CHP1: variants seen among roughly 807,000 people sequenced by gnomAD.
The protein encoded by CHP1 is calcineurin like EF-hand protein 1.
In CHP1, 11 loss-of-function variants were observed where a neutral mutation model predicts 27.4. The observed-to-expected ratio is 0.40, with a 90% CI of 0.25 to 0.67. The LOEUF (loss-of-function observed/expected upper bound fraction) is 0.67, where lower values mean the gene tolerates loss of function less well. Among genes scored for constraint, CHP1 ranks in the 30% least tolerant of loss-of-function variants. The probability of loss-of-function intolerance (pLI) is 0.38; values close to 1 mark genes in which losing one functional copy is unlikely to be tolerated. For missense variants in CHP1, 169 were observed against 251.3 expected (o/e 0.67, Z 2.22); for synonymous variants, 89 against 87.4 (o/e 1.02, Z -0.10).
intron 4 of CHP1, among the ~76,000 whole-genome samples, chr15:41,263,966 G>T (rs1262668283): frequency 6.6e-6 from 1 of 152,168 alleles, no homozygotes; most frequent in African/African-American, 2.4e-5. Flanking sequence ...GACTCAGCTG[G>T]CTTAAACAAT....
intron 3 of CHP1, among the ~76,000 whole-genome samples, chr15:41,258,070 C>T (rs1283693047): frequency 6.6e-6 from 1 of 152,196 alleles, no homozygotes; most frequent in East Asian, 1.9e-4. Flanking sequence ...TCTACCTACA[C>T]ATACTCTACG....
In CHP1 at chr15:41,278,853, T is replaced by C; in HGVS notation, c.498T>C (p.Asp166=). ...ADRTIQEADQ[D]GDSAISFTEF... ...GGACCATTCAGGAGGCTGATCAGGA[T>C]GGGGACAGTGCCATATCTTTCACAG... Residue 166 remains aspartate, a synonymous_variant, in exon 6 of 7, where the codon GAT becomes GAC. Transcript: ENST00000334660. 2 of 1,614,128 alleles carry C rather than the reference T, an allele frequency of 1.2e-6. No individual in the cohort carries two copies. Among genetic ancestry groups the C allele is most frequent in the Non-Finnish European group, 1.7e-6 (2 of 1,180,022 alleles).
At chr15:41,278,223 C>T (rs899067272) in intron 5 of CHP1, among the ~76,000 whole-genome samples, 1 of 150,602 alleles carries the variant, frequency 6.6e-6, no homozygotes, top group Non-Finnish European at 1.5e-5. Context: ...ATCCTAGCTA[C>T]GCAGGAGGCT....
intron 5 of CHP1, among the ~76,000 whole-genome samples, chr15:41,278,446 G>A (rs1256050544): frequency 6.6e-6 from 1 of 151,740 alleles, no homozygotes; most frequent in East Asian, 1.9e-4. Flanking sequence ...AGATTATTTC[G>A]CCACCCATGT....
intron 4 of CHP1, among the ~76,000 whole-genome samples, chr15:41,267,604 G>A (rs1047248155): frequency 4.0e-5 from 6 of 151,680 alleles, no homozygotes; most frequent in Non-Finnish European, 7.4e-5. Flanking sequence ...AGAGGTTTCA[G>A]TGACCTGAGA....
intron 5 of CHP1, among the ~76,000 whole-genome samples, chr15:41,275,504 G>C (rs1013682032): frequency 6.6e-6 from 1 of 152,120 alleles, no homozygotes; most frequent in East Asian, 1.9e-4. Context: ...AATCAGTTTG[G>C]ATACAAATCA....
At chr15:41,277,960 A>G (rs1176077303) in intron 5 of CHP1, among the ~76,000 whole-genome samples, 1 of 152,052 alleles carries the variant, frequency 6.6e-6, no homozygotes, top group Non-Finnish European at 1.5e-5. Flanking sequence ...TGTCTCAAAA[A>G]AAAAACCCAA....
chr15:41,238,475 T>C (rs1043794602), intron 1 of CHP1, among the ~76,000 whole-genome samples: 5 of 152,060 alleles, frequency 3.3e-5, no homozygotes, highest in African/African-American at 1.2e-4. Flanking sequence ...ACAGGGTCTT[T>C]TAAATAATCT....
intron 3 of CHP1, among the ~76,000 whole-genome samples, chr15:41,261,911 G>T (rs552026468): frequency 6.6e-6 from 1 of 151,586 alleles, no homozygotes; most frequent in Non-Finnish European, 1.5e-5. Context: ...AGAATCGCTT[G>T]AACCAGGGAG....
chr15:41,245,313 T>A (rs2047328800), intron 2 of CHP1, among the ~76,000 whole-genome samples: 1 of 151,968 alleles, frequency 6.6e-6, no homozygotes, highest in African/African-American at 2.4e-5. Flanking sequence ...ATACAAAAAT[T>A]AGCGTGGCGT....
At chr15:41,263,982 A>G (rs1191585916) in intron 4 of CHP1, among the ~76,000 whole-genome samples, 1 of 152,176 alleles carries the variant, frequency 6.6e-6, no homozygotes, top group Non-Finnish European at 1.5e-5. Flanking sequence ...ACAATAGGGA[A>G]CTATATTAGC....
chr15:41,241,921 T>C (rs1484427033), intron 1 of CHP1, among the ~76,000 whole-genome samples: 1 of 152,210 alleles, frequency 6.6e-6, no homozygotes, highest in Admixed American at 6.6e-5. Flanking sequence ...AAGTCCACAC[T>C]TGTCACACCC....
At position 41,267,131 on chromosome 15, in the gene CHP1, C is replaced by G. The variant is rs1321321418; in HGVS notation, c.350-3426C>G. ...TCTTATGTGAGGTTTCCAGAGTGGT[C>G]AAATTTGTAGAGACAGAAAGTAGAA... is the stretch of plus-strand genomic sequence containing the variant. On this transcript the variant is annotated intron_variant, in intron 4 of 6. Transcript: ENST00000334660. Among the ~76,000 whole-genome samples, 4 of 152,094 alleles carry G rather than the reference C, an allele frequency of 2.6e-5. No homozygotes were observed. In the East Asian group the frequency reaches 7.7e-4, roughly 29 times the overall value.
chr15:41,239,908 C>G (rs1470537491), intron 1 of CHP1, among the ~76,000 whole-genome samples: 1 of 152,172 alleles, frequency 6.6e-6, no homozygotes, highest in East Asian at 1.9e-4. Context: ...TCCCGAGTAG[C>G]TGGGACTACA....
At chr15:41,248,173 G>A (rs2047346189) in intron 2 of CHP1, among the ~76,000 whole-genome samples, 1 of 150,738 alleles carries the variant, frequency 6.6e-6, no homozygotes, top group African/African-American at 2.4e-5. Flanking sequence ...GTAAGAGACA[G>A]GGTCGCACTC....
At chr15:41,261,984 C>T (rs2047435599) in intron 3 of CHP1, among the ~76,000 whole-genome samples, 1 of 133,516 alleles carries the variant, frequency 7.5e-6, no homozygotes, top group Non-Finnish European at 1.6e-5. Context: ...AAGAGCAAAA[C>T]TCCATCTCAA....
chr15:41,244,203 A>AG (rs2047321904), intron 2 of CHP1, among the ~76,000 whole-genome samples: 1 of 150,958 alleles, frequency 6.6e-6, no homozygotes, highest in African/African-American at 2.5e-5. Context: ...ATCTAAAAAA[A>AG]AAAAAAAAAA....
intron 1 of CHP1, among the ~76,000 whole-genome samples, chr15:41,240,860 C>CTTT (rs10649918): frequency 9.8e-4 from 143 of 145,398 alleles, no homozygotes; most frequent in Middle Eastern, 3.6e-3. Flanking sequence ...CTTAGTAATT[C>CTTT]TTTTTTTTTT....
intron 4 of CHP1, among the ~76,000 whole-genome samples, chr15:41,270,269 G>A (rs186953384): frequency 3.3e-5 from 5 of 151,986 alleles, no homozygotes; most frequent in African/African-American, 9.7e-5. Context: ...AGTGTTTTGG[G>A]GGGGGGCGTT....
Sources: gnomAD v4.1 joint callset for allele counts (sites outside exome capture counted in the v4.1 genomes callset) on GRCh38, gnomAD v4.1.1 for gene constraint, MANE v1.5 for transcripts, NCBI Gene and HGNC (gene_info 2026-07-23, HGNC 2026-07-21) for gene names.